The following TMPRSS15 variants were observed in gnomAD, a reference collection of about 807,000 sequenced individuals.
TMPRSS15 encodes the protein enteropeptidase.
Under a neutral mutation model 125.3 loss-of-function variants are expected in TMPRSS15, and 128 were observed. The ratio of observed to expected loss-of-function variants is 1.02; its 90% CI spans 0.89 to 1.18. TMPRSS15 has a LOEUF of 1.18. Among genes scored for constraint, TMPRSS15 ranks in the 50% most tolerant of loss-of-function variants. The pLI, the probability that TMPRSS15 is intolerant of heterozygous loss-of-function variation, is 0.00. For synonymous variants in TMPRSS15, 446 were observed against 423.2 expected (o/e 1.05, Z -0.66); for missense variants, 1,283 against 1,212.7 (o/e 1.06, Z -0.86).
rs147204364 is a variant in TMPRSS15, at chr21:18,349,397, G to T, written c.1171+3506C>A. Among the ~76,000 whole-genome samples, 35 of 152,226 alleles carry T rather than the reference G, an allele frequency of 2.3e-4. 1 individual carries two copies. The East Asian group carries it at 6.4e-3, about 28-fold the overall frequency. The stretch of plus-strand genomic sequence containing the variant: ...TCACCAGAAGAGAGTTCTTCAGAAG[G>T]ACTAGAAAAATTAAGAGGCTTAGGT... On this transcript the variant is annotated intron_variant, in intron 10 of 24. Transcript: ENST00000284885.
rs1050685511 is a variant in TMPRSS15, at chr21:18,423,584, AT to A, written c.11-25256del. ...CCACCACACCCGGCTAATTTTTTGT[AT>A]TTTTTTTTTTTTTAGTAGAGACGGG... On this transcript the variant is annotated intron_variant, in intron 1 of 7. Transcript: ENST00000422787. 5.0e-3 allele frequency among the ~76,000 whole-genome samples: 660 copies of A among 133,166 alleles called. 1 individual carries two copies. Among genetic ancestry groups the A allele is most frequent in the Non-Finnish European group, 6.2e-3 (378 of 61,194 alleles). The allele number at this position is 133,166 out of a possible 152,430, so 87.4% of individuals were successfully genotyped here. A position where few individuals can be genotyped will look rare whatever the true frequency, so the allele number is the denominator to read the frequency against.
At chr21:18,456,729 C>T (rs557168621) in intron 1 of TMPRSS15, among the ~76,000 whole-genome samples, 1 of 152,056 alleles carries the variant, frequency 6.6e-6, no homozygotes, top group Non-Finnish European at 1.5e-5. Flanking sequence ...AGTGCTACTA[C>T]TGATTATAAA....
upstream of TMPRSS15, among the ~76,000 whole-genome samples, chr21:18,404,513 T>C (rs2076132369): frequency 6.6e-6 from 1 of 152,160 alleles, no homozygotes; most frequent in South Asian, 2.1e-4. Flanking sequence ...ATATGCTTTA[T>C]GGAAAAATCA....
At chr21:18,336,373 G>A (rs1210464883) in intron 13 of TMPRSS15, among the ~76,000 whole-genome samples, 1 of 152,028 alleles carries the variant, frequency 6.6e-6, no homozygotes, top group African/African-American at 2.4e-5. Context: ...TTCAAAATTG[G>A]CTATTGTTTT....
chr21:18,480,239 A>T (rs2123290942), intron 1 of TMPRSS15, among the ~76,000 whole-genome samples: 1 of 152,050 alleles, frequency 6.6e-6, no homozygotes, highest in African/African-American at 2.4e-5. Context: ...CACAGTTTGC[A>T]CAGTATTATG....
chr21:18,297,690 C>A, intron 19 of TMPRSS15, 44 bp downstream of exon 19: 1 of 1,420,910 alleles, frequency 7.0e-7, no homozygotes, highest in South Asian at 1.1e-5. Context: ...TATCTTCTGC[C>A]ATGTCTATGT....
intron 13 of TMPRSS15, among the ~76,000 whole-genome samples, chr21:18,337,681 G>A (rs988630963): frequency 2.0e-5 from 3 of 152,154 alleles, no homozygotes; most frequent in Non-Finnish European, 4.4e-5. Context: ...AGGAAACTGA[G>A]CGTTATTACT....
At chr21:18,350,252 A>G (rs913064987) in intron 10 of TMPRSS15, among the ~76,000 whole-genome samples, 13 of 152,166 alleles carry the variant, frequency 8.5e-5, no homozygotes, top group Admixed American at 2.0e-4. Context: ...AAGATTAATT[A>G]TGTATGAGAG....
intron 22 of TMPRSS15, among the ~76,000 whole-genome samples, chr21:18,280,590 A>C (rs1357519100): frequency 2.0e-5 from 3 of 149,932 alleles, no homozygotes; most frequent in Non-Finnish European, 4.4e-5. Context: ...AAAAAAAAAA[A>C]AAAAACAACA....
rs140878927 is a variant in TMPRSS15 at position 18,457,134 on chromosome 21, A to G, written c.10+28665T>C. ...TGTGAAATGCATAGTAATTGTAACA[A>G]TTTGGTAGATTGTTGAAATAATTGA... On this transcript the variant is annotated intron_variant, in intron 1 of 7. Coordinates refer to the TMPRSS15 transcript ENST00000422787. 3.9e-4 allele frequency among the ~76,000 whole-genome samples: 59 copies of G among 152,184 alleles called. 1 individual carries two copies. In the East Asian group the frequency reaches 6.4e-3, roughly 16 times the overall value.
At chr21:18,330,753 T>C (rs2075336093) in intron 14 of TMPRSS15, among the ~76,000 whole-genome samples, 1 of 152,182 alleles carries the variant, frequency 6.6e-6, no homozygotes. Flanking sequence ...TTTTTCAGAT[T>C]ATCACTTTGT....
intron 21 of TMPRSS15, among the ~76,000 whole-genome samples, chr21:18,292,142 T>A (rs2074844823): frequency 1.3e-5 from 2 of 152,212 alleles, no homozygotes; most frequent in Non-Finnish European, 2.9e-5. Flanking sequence ...ACTTACACAC[T>A]GCAATGTCAA....
intron 11 of TMPRSS15, 115 bp from the exon 12 acceptor site, chr21:18,343,771 T>G (rs1000007374): frequency 3.5e-5 from 47 of 1,350,162 alleles, no homozygotes; most frequent in Non-Finnish European, 2.4e-5. Context: ...CCTTCTGGGT[T>G]TTGGAGTTGC....
chr21:18,398,197 A>G lies in TMPRSS15; in HGVS notation c.276+2T>C. On this transcript the variant is annotated splice_donor_variant, in intron 2 of 24. Transcript: ENST00000284885. LOFTEE classifies it high-confidence loss of function. ...ATTTGAAACCAGCTGTCAGTCTCCT[A>G]CCATTTGCTGAAGGTCAAAAGCAAG... The G allele has an allele frequency of 6.2e-7, 1 of 1,613,822 alleles. No individual in the cohort carries two copies. The highest frequency in any genetic ancestry group is 1.1e-5 in the South Asian group (1 of 91,064).
chr21:18,485,184 C>T (rs1979055744), intron 1 of TMPRSS15, among the ~76,000 whole-genome samples: 1 of 151,560 alleles, frequency 6.6e-6, no homozygotes. Context: ...AAATGAATAC[C>T]ATTTACTTTT....
chr21:18,414,920 T>A (rs1601454918), intron 1 of TMPRSS15, among the ~76,000 whole-genome samples: 1 of 152,150 alleles, frequency 6.6e-6, no homozygotes, highest in Non-Finnish European at 1.5e-5. Flanking sequence ...TATTTAAAAA[T>A]TTTTAAGGAC....
At chr21:18,459,990 A>G (rs1978522291) in intron 1 of TMPRSS15, among the ~76,000 whole-genome samples, 3 of 152,172 alleles carry the variant, frequency 2.0e-5, no homozygotes, top group African/African-American at 7.2e-5. Context: ...TTATAATAAT[A>G]CTATCGATTT....
chr21:18,433,273 A>C (rs1272578521), intron 1 of TMPRSS15, among the ~76,000 whole-genome samples: 1 of 152,172 alleles, frequency 6.6e-6, no homozygotes, highest in Non-Finnish European at 1.5e-5. Flanking sequence ...AGAATAACTC[A>C]GGAACAGCAA....
rs373516133 is a variant in TMPRSS15 at position 18,281,977 on chromosome 21, G to A, written c.2487-756C>T. Among the ~76,000 whole-genome samples the A allele has an allele frequency of 1.6e-4, 24 of 151,554 alleles. No individual in the cohort carries two copies. The East Asian group carries it at 3.9e-3, about 25-fold the overall frequency. ...CCGGGCGTGGTGGTGGGCGCCTGTA[G>A]TCCCAGCTACTTCGGGGGGCAGAGG... On this transcript the variant is annotated intron_variant, in intron 21 of 24. Transcript: ENST00000284885.
Sources: allele counts gnomAD v4.1 joint callset (sites outside exome capture counted in the v4.1 genomes callset), GRCh38; gene constraint gnomAD v4.1.1; transcripts MANE v1.5; gene names NCBI Gene and HGNC (gene_info 2026-07-23, HGNC 2026-07-21).